SLC7A14: variants seen among roughly 807,000 people sequenced by gnomAD.
SLC7A14 encodes the protein gamma-aminobutyric acid transporter SLC7A14.
SLC7A14 carries 37 observed loss-of-function variants against 60.2 expected under a neutral mutation model. The ratio of observed to expected loss-of-function variants is 0.61; its 90% CI spans 0.47 to 0.81. SLC7A14 has a LOEUF of 0.81. Among genes scored for constraint, SLC7A14 ranks in the 30% least tolerant of loss-of-function variants. SLC7A14 has a pLI of 0.00. For synonymous variants in SLC7A14, 399 were observed against 395.8 expected (o/e 1.01, Z -0.10); for missense variants, 886 against 982.7 (o/e 0.90, Z 1.32).
chr3:170,472,732 A>C (rs1739952692), intron 7 of SLC7A14, among the ~76,000 whole-genome samples: 1 of 150,650 alleles, frequency 6.6e-6, no homozygotes, highest in Non-Finnish European at 1.5e-5. Context: ...GTGCCACTGC[A>C]CTCCAGCCTG....
rs747310041 is a variant in SLC7A14 at position 170,486,271 on chromosome 3, G to A, written c.857C>T (p.Pro286Leu). The part of the protein sequence containing the change: ...EEAKNPNTSI[P>L]YAITASLVIC... ...GACCAGGGAGGCAGTGATAGCATAA[G>A]GGATGGACGTGTTGGGATTCTTGGC... Residue 286 changes from proline to leucine, a missense_variant, in exon 5 of 8, where the codon CCT (proline) becomes CTT (leucine). By Grantham distance (98) the Pro-to-Leu change is moderately conservative. Transcript: ENST00000231706. 1.9e-6 allele frequency: 3 copies of A among 1,614,106 alleles called. No individual in the cohort carries two copies. Among genetic ancestry groups the A allele is most frequent in the Non-Finnish European group, 2.5e-6 (3 of 1,180,048 alleles).
chr3:170,561,034 C>T (rs1714634908), intron 1 of SLC7A14, among the ~76,000 whole-genome samples: 1 of 152,182 alleles, frequency 6.6e-6, no homozygotes, highest in Admixed American at 6.5e-5. Context: ...TTTCCAGGGT[C>T]TTGTAACTCC....
intron 1 of SLC7A14, among the ~76,000 whole-genome samples, chr3:170,552,170 A>G (rs529705672): frequency 6.6e-6 from 1 of 152,222 alleles, no homozygotes; most frequent in East Asian, 1.9e-4. Context: ...GAAAATACTG[A>G]TCTTTTCCCT....
chr3:170,470,745 G>A (rs887222418), intron 7 of SLC7A14, among the ~76,000 whole-genome samples: 1 of 152,108 alleles, frequency 6.6e-6, no homozygotes, highest in Non-Finnish European at 1.5e-5. Context: ...GAGGGAGAGA[G>A]AGAGAAGAGA....
intron 3 of SLC7A14, among the ~76,000 whole-genome samples, chr3:170,500,734 G>A (rs1212104950): frequency 1.3e-5 from 2 of 152,058 alleles, no homozygotes; most frequent in South Asian, 2.1e-4. Flanking sequence ...AGCCTTTGAC[G>A]TATGACATTA....
At chr3:170,489,291 T>C (rs924980656) in intron 4 of SLC7A14, among the ~76,000 whole-genome samples, 1 of 152,110 alleles carries the variant, frequency 6.6e-6, no homozygotes, top group South Asian at 2.1e-4. Flanking sequence ...ATTTAAAAAA[T>C]GGGCAAAAGA....
chr3:170,484,059 C>A (rs1335805346), intron 5 of SLC7A14, among the ~76,000 whole-genome samples: 1 of 152,202 alleles, frequency 6.6e-6, no homozygotes, highest in African/African-American at 2.4e-5. Context: ...TGTTGGGACC[C>A]AGATAAGGAC....
intron 2 of SLC7A14, 75 bp downstream of exon 2, chr3:170,526,558 C>T (rs371905692): frequency 1.4e-5 from 22 of 1,534,606 alleles, no homozygotes; most frequent in Middle Eastern, 1.7e-4. Context: ...CTAAATACTC[C>T]GGAGAAAGGG....
chr3:170,569,367 G>C (rs1184207098), intron 1 of SLC7A14, among the ~76,000 whole-genome samples: 2 of 152,208 alleles, frequency 1.3e-5, no homozygotes, highest in Non-Finnish European at 1.5e-5. Context: ...AAGCCCACAT[G>C]ATCATGGTGG....
intron 7 of SLC7A14, among the ~76,000 whole-genome samples, chr3:170,475,753 C>T (rs184946705): frequency 1.3e-5 from 2 of 152,086 alleles, no homozygotes; most frequent in Non-Finnish European, 2.9e-5. Context: ...TGCTCTGTTG[C>T]CCAGGCTGGA....
At chr3:170,478,392 G>A (rs1434027890) in intron 7 of SLC7A14, among the ~76,000 whole-genome samples, 1 of 151,044 alleles carries the variant, frequency 6.6e-6, no homozygotes, top group Non-Finnish European at 1.5e-5. Flanking sequence ...GATTGTAAAT[G>A]TGTTATAAAA....
chr3:170,574,483 T>C (rs552600490), intron 1 of SLC7A14, among the ~76,000 whole-genome samples: 1 of 152,340 alleles, frequency 6.6e-6, no homozygotes, highest in South Asian at 2.1e-4. Context: ...GGGTGAGCTT[T>C]GCCTTATTCT....
chr3:170,534,996 G>A (rs1057064800), intron 1 of SLC7A14, among the ~76,000 whole-genome samples: 7 of 152,188 alleles, frequency 4.6e-5, no homozygotes, highest in African/African-American at 1.7e-4. Context: ...TGGTTACTGA[G>A]CGTTGAGACA....
intron 2 of SLC7A14, among the ~76,000 whole-genome samples, chr3:170,516,225 A>G (rs1179893434): frequency 6.6e-6 from 1 of 152,226 alleles, no homozygotes; most frequent in African/African-American, 2.4e-5. Context: ...GAAGAGCTAC[A>G]TGAACTTTAC....
rs1715350533 is a variant in SLC7A14, at chr3:170,585,211, C to G, written c.-153+700G>C. On this transcript the variant is annotated intron_variant, in intron 1 of 7. Coordinates refer to ENST00000231706, the MANE Select transcript of SLC7A14 (RefSeq NM_020949.3). The surrounding 1 kb of genome is among the most constrained non-coding windows in gnomAD (Gnocchi z 5.1). ...GGTTGAAGCAGTGCAGGAGAGCTCC[C>G]CTTGCTGGGGCTGCCGGCTCTGGGC... 6.6e-6 allele frequency among the ~76,000 whole-genome samples: 1 copy of G among 152,102 alleles called. No individual in the cohort carries two copies. Among genetic ancestry groups the G allele is most frequent in the Non-Finnish European group, 1.5e-5 (1 of 68,002 alleles).
At chr3:170,513,983 T>C (rs755673168) in intron 2 of SLC7A14, among the ~76,000 whole-genome samples, 9 of 152,390 alleles carry the variant, frequency 5.9e-5, no homozygotes, top group South Asian at 4.1e-4. Flanking sequence ...TTTTCTTTCT[T>C]CATCATCGCT....
chr3:170,559,405 T>A (rs1394436734), intron 1 of SLC7A14, among the ~76,000 whole-genome samples: 2 of 152,192 alleles, frequency 1.3e-5, no homozygotes, highest in African/African-American at 4.8e-5. Flanking sequence ...TAATTGACTA[T>A]CATTATAGAG....
chr3:170,554,884 G>A (rs886081909), intron 1 of SLC7A14, among the ~76,000 whole-genome samples: 3 of 152,144 alleles, frequency 2.0e-5, no homozygotes, highest in African/African-American at 4.8e-5. Flanking sequence ...AATATTGCTT[G>A]TGGGACGGGC....
intron 2 of SLC7A14, among the ~76,000 whole-genome samples, chr3:170,509,278 C>T (rs1263426904): frequency 6.6e-6 from 1 of 152,180 alleles, no homozygotes; most frequent in African/African-American, 2.4e-5. Context: ...GCCAGGTGGA[C>T]AGTAACCACC....
Sources: gnomAD v4.1 joint callset for allele counts (sites outside exome capture counted in the v4.1 genomes callset) on GRCh38, gnomAD v4.1.1 for gene constraint, Gnocchi (gnomAD v3.1) non-coding constraint, MANE v1.5 for transcripts, NCBI Gene and HGNC (gene_info 2026-07-23, HGNC 2026-07-21) for gene names.